The following EXPH5 variants were observed in gnomAD, a reference collection of about 807,000 sequenced individuals.
EXPH5 encodes exophilin 5.
EXPH5 carries 42 observed loss-of-function variants against 41.1 expected under a neutral mutation model. The observed-to-expected ratio is 1.02, with a 90% confidence interval of 0.80 to 1.32. The LOEUF is 1.32. Among genes scored for constraint, EXPH5 ranks in the 40% most tolerant of loss-of-function variants. The probability of loss-of-function intolerance (pLI) is 0.00; values close to 1 mark genes in which losing one functional copy is unlikely to be tolerated. For missense variants in EXPH5, 2,298 were observed against 2,314.5 expected, an observed-to-expected ratio of 0.99 and a Z score of 0.15; for synonymous variants, 798 against 833.5, an observed-to-expected ratio of 0.96 and a Z score of 0.73.
intron 3 of EXPH5, among the ~76,000 whole-genome samples, chr11:108,533,403 C>T (rs558387101): frequency 6.6e-6 from 1 of 152,266 alleles, no homozygotes; most frequent in East Asian, 1.9e-4. Context: ...CAGGGTTTCA[C>T]CATGTTGGCC....
rs755501292 is a variant in EXPH5 at position 108,510,486 on chromosome 11, G to C, written c.5021C>G (p.Pro1674Arg). 4 of 1,614,026 alleles carry C rather than the reference G, an allele frequency of 2.5e-6. No individual in the cohort carries two copies. Among genetic ancestry groups the C allele is most frequent in the Admixed American group, 1.7e-5 (1 of 59,988 alleles). The change falls in exon 6 of 6, where the codon CCC (proline) becomes CGC (arginine). Residue 1674 changes from proline (P) to arginine (R), a missense_variant. Coordinates refer to ENST00000265843, the MANE Select transcript of EXPH5 (RefSeq NM_015065.3). ...TTCTCTGTTGGGTAGTACAGTAATGGGGAGAAGGTTCTCGGATTTCTTCAC... is the reference window on the plus strand; with the variant it reads ...TTCTCTGTTGGGTAGTACAGTAATGCGGAGAAGGTTCTCGGATTTCTTCAC... ...KHVKKSENLL[P>R]ITVLPNREPS...
At chr11:108,574,131 G>A (rs2094072129) in intron 1 of EXPH5, among the ~76,000 whole-genome samples, 1 of 151,116 alleles carries the variant, frequency 6.6e-6, no homozygotes, top group South Asian at 2.1e-4. Flanking sequence ...GGATGGTCTC[G>A]ATCTCCTGAC....
At chr11:108,573,354 C>T (rs1283804207) in intron 1 of EXPH5, among the ~76,000 whole-genome samples, 2 of 152,086 alleles carry the variant, frequency 1.3e-5, no homozygotes, top group Admixed American at 6.6e-5. Flanking sequence ...TTGATGGAGA[C>T]CTCATGATGA....
chr11:108,604,180 C>T, the EXPH5 span, among the ~76,000 whole-genome samples: 3 of 139,702 alleles, frequency 2.1e-5, no homozygotes, highest in African/African-American at 8.0e-5. Context: ...TGCTTGAGCC[C>T]AGGAGTTTGA....
At chr11:108,573,168 GA>G (rs1329691949) in intron 1 of EXPH5, among the ~76,000 whole-genome samples, 1 of 142,910 alleles carries the variant, frequency 7.0e-6, no homozygotes. Flanking sequence ...AAGAAAGAAA[GA>G]AAGAAAGAAA....
At chr11:108,583,546 G>A (rs1199014208) in intron 1 of EXPH5, among the ~76,000 whole-genome samples, 6 of 152,012 alleles carry the variant, frequency 3.9e-5, no homozygotes, top group Non-Finnish European at 8.8e-5. Context: ...TACAGGCCGG[G>A]CATGGTGGCT....
At chr11:108,537,171 T>G (rs1391481165) in intron 3 of EXPH5, among the ~76,000 whole-genome samples, 1 of 152,132 alleles carries the variant, frequency 6.6e-6, no homozygotes, top group East Asian at 1.9e-4. Context: ...CGTAATACAA[T>G]GCCCCCTTTA....
In EXPH5 at chr11:108,593,572, T is replaced by A; in HGVS notation, c.-36A>T. ...GTGTGTGAGTTACACTTAAGCTCCT[T>A]GGCGCCTCCTGTTAGGAAGGCATTT... is the stretch of plus-strand genomic sequence containing the variant. On this transcript the variant is annotated 5_prime_UTR_variant, in exon 1 of 6. Transcript: ENST00000265843. 6.2e-7 allele frequency: 1 copy of A among 1,613,830 alleles called. No homozygotes were observed. The highest frequency in any genetic ancestry group is 8.5e-7 in the Non-Finnish European group (1 of 1,179,880).
At chr11:108,600,296 A>G in the EXPH5 span, among the ~76,000 whole-genome samples, 1 of 152,220 alleles carries the variant, frequency 6.6e-6, no homozygotes, top group African/African-American at 2.4e-5. Context: ...GATCATTGCA[A>G]TTAATTAATA....
intron 4 of EXPH5, among the ~76,000 whole-genome samples, chr11:108,519,651 G>A (rs1217096439): frequency 6.6e-6 from 1 of 151,924 alleles, no homozygotes; most frequent in Non-Finnish European, 1.5e-5. Context: ...CAGAGGCTGG[G>A]CCAGGAGAAT....
intron 1 of EXPH5, among the ~76,000 whole-genome samples, chr11:108,558,291 T>G (rs542288793): frequency 6.6e-6 from 1 of 152,314 alleles, no homozygotes; most frequent in African/African-American, 2.4e-5. Flanking sequence ...GGTCTCACTA[T>G]GTTGCCCTGG....
chr11:108,552,941 A>T (rs557937254), intron 1 of EXPH5, among the ~76,000 whole-genome samples: 1 of 152,158 alleles, frequency 6.6e-6, no homozygotes, highest in Non-Finnish European at 1.5e-5. Flanking sequence ...CATGCCTGTA[A>T]TCCTAGCACT....
At chr11:108,530,782 G>T (rs2093832431) in intron 3 of EXPH5, among the ~76,000 whole-genome samples, 1 of 152,174 alleles carries the variant, frequency 6.6e-6, no homozygotes, top group African/African-American at 2.4e-5. Flanking sequence ...GCACAGCTGG[G>T]ATGCTACCAC....
chr11:108,593,848 C>G, upstream of EXPH5: 4 of 1,045,784 alleles, frequency 3.8e-6, no homozygotes, highest in Non-Finnish European at 5.6e-6. Context: ...TCCCCTCCCT[C>G]GTCTCGTCCC....
intron 1 of EXPH5, among the ~76,000 whole-genome samples, chr11:108,571,798 C>T (rs1258702599): frequency 7.2e-5 from 11 of 152,096 alleles, no homozygotes; most frequent in South Asian, 4.1e-4. Context: ...CGGTGGCTCA[C>T]GCTTGTAATC....
chr11:108,596,480 G>C (rs531293767), upstream of EXPH5, among the ~76,000 whole-genome samples: 1 of 152,184 alleles, frequency 6.6e-6, no homozygotes, highest in Non-Finnish European at 1.5e-5. Context: ...CTATTTGATA[G>C]TATGAGAAAC....
intron 4 of EXPH5, among the ~76,000 whole-genome samples, chr11:108,520,109 G>A (rs892533809): frequency 3.3e-5 from 5 of 152,130 alleles, no homozygotes; most frequent in African/African-American, 1.2e-4. Flanking sequence ...ACAGTGTGGG[G>A]TAAAGGGCGA....
intron 1 of EXPH5, among the ~76,000 whole-genome samples, chr11:108,592,957 C>T (rs1466772896): frequency 6.6e-6 from 1 of 152,250 alleles, no homozygotes. Context: ...CGAGGGAAAA[C>T]TGCGTTAGGC....
chr11:108,541,910 A>T, intron 1 of EXPH5, 98 bp from the exon 2 acceptor site: 1 of 958,118 alleles, frequency 1.0e-6, no homozygotes, highest in East Asian at 2.6e-5. Context: ...TGGGGGTCTC[A>T]TTCTGTCACC....
Sources: gnomAD v4.1 joint callset for allele counts (sites outside exome capture counted in the v4.1 genomes callset) on GRCh38, gnomAD v4.1.1 for gene constraint, MANE v1.5 for transcripts, NCBI Gene and HGNC (gene_info 2026-07-23, HGNC 2026-07-21) for gene names.